Variants in SMYD5 observed in about 807,000 individuals in gnomAD.
SMYD5 encodes the protein protein-lysine N-trimethyltransferase SMYD5.
In SMYD5, 35 loss-of-function variants were observed where a neutral mutation model predicts 57.4. The observed-to-expected ratio is 0.61, with a 90% confidence interval of 0.47 to 0.81. The LOEUF (loss-of-function observed/expected upper bound fraction) is 0.81. SMYD5 is among the 30% of genes least tolerant of loss of function. The pLI, the probability that SMYD5 is intolerant of heterozygous loss-of-function variation, is 0.00. For synonymous variants in SMYD5, 198 were observed against 189.7 expected (o/e 1.04, Z -0.36); for missense variants, 471 against 527.9 (o/e 0.89, Z 1.06).
chr2:73,223,423 C>T lies in SMYD5; in HGVS notation c.777-3C>T, dbSNP rs769354136. 6.8e-6 allele frequency: 11 copies of T among 1,607,742 alleles called. No individual in the cohort carries two copies. The highest frequency in any genetic ancestry group is 8.5e-6 in the Non-Finnish European group (10 of 1,174,222). ...CAACCATGGGCTGCCTGGGACCCCC[C>T]AGCTCCCTAAGCCAGTGGGTCCATG... On this transcript the variant is annotated splice_polypyrimidine_tract_variant and splice_region_variant and intron_variant, in intron 8 of 12. Transcript: ENST00000389501.
In SMYD5 at chr2:73,225,648, C is replaced by T. The variant is rs369783248; in HGVS notation, c.1053C>T (p.Tyr351=). Residue 351 remains tyrosine (Y), a synonymous_variant, in exon 12 of 13, where the codon TAC becomes TAT. Transcript: ENST00000389501. ...CCCTACAGGAAATTTGTATCAGCTA[C>T]TTGGACTGCTGTCAGCGGGAGCGCA... is the stretch of plus-strand genomic sequence containing the variant. ...IKPGEEICIS[Y]LDCCQRERSR... 6 of 1,614,118 alleles carry T rather than the reference C, an allele frequency of 3.7e-6. No homozygotes were observed. In the African/African-American group the frequency reaches 4.0e-5, roughly 11 times the overall value.
chr2:73,216,041 G>A (rs1282245166), intron 1 of SMYD5, among the ~76,000 whole-genome samples: 4 of 152,086 alleles, frequency 2.6e-5, no homozygotes, highest in Admixed American at 2.0e-4. Flanking sequence ...ATAGACCAGG[G>A]GCCTCAAGTG....
Position 73,223,008 on chromosome 2 carries a change from A to T in SMYD5, c.706-28A>T, listed in dbSNP as rs760194661. 2.5e-6 allele frequency: 4 copies of T among 1,601,366 alleles called. No individual in the cohort carries two copies. In the South Asian group the frequency reaches 4.4e-5, roughly 18 times the overall value. On this transcript the variant is annotated intron_variant, in intron 7 of 12. Coordinates refer to ENST00000389501, the MANE Select transcript of SMYD5 (RefSeq NM_006062.3). The stretch of plus-strand genomic sequence containing the variant: ...GGAAGAAAAGTCAGTGGCTGTAATG[A>T]GCACTCATCTCTTTTTTCCCCCCAC...
intron 11 of SMYD5, chr2:73,225,259 ATAGCTC>A (rs1485393641): frequency 4.1e-6 from 2 of 482,708 alleles, no homozygotes; most frequent in Non-Finnish European, 7.3e-6. Context: ...AAAGCAGGAG[ATAGCTC>A]TTTGTGGGTT....
In SMYD5 at chr2:73,225,805, T is replaced by G; in HGVS notation, c.1116T>G (p.Tyr372Ter). 6.2e-7 allele frequency: 1 copy of G among 1,614,102 alleles called. No homozygotes were observed. Among genetic ancestry groups the G allele is most frequent in the South Asian group, 1.1e-5 (1 of 91,068 alleles). Residue 372 changes from tyrosine (Y) to a stop codon, truncating the protein, a stop_gained, in exon 13 of 13, where the codon TAT becomes TAG. Transcript: ENST00000389501. LOFTEE classifies it high-confidence loss of function. Reference sequence around the variant, plus strand: ...TCCCCCACCGCTGCAGGGAGAACTATCTATTTGTCTGTTCCTGTCCCAAAT... The same window carrying G: ...TCCCCCACCGCTGCAGGGAGAACTAGCTATTTGTCTGTTCCTGTCCCAAAT... ...HSRHKILRENYLFVCSCPKCL... is the reference protein window; with the variant it reads ...HSRHKILREN
Position 73,214,371 on chromosome 2 carries a change from G to A in SMYD5, c.96+9G>A, listed in dbSNP as rs1207179996. On this transcript the variant is annotated intron_variant, in intron 1 of 12. Transcript: ENST00000389501. The stretch of plus-strand genomic sequence containing the variant: ...TCGTGAGCAGCGCCAAGGTGAGGTC[G>A]GGGCGGGTCCTGCCGGGAGCCTCTC... The A allele has an allele frequency of 5.6e-6, 9 of 1,613,072 alleles. No individual in the cohort carries two copies. Among genetic ancestry groups the A allele is most frequent in the South Asian group, 5.5e-5 (5 of 91,052 alleles).
At chr2:73,214,543 G>C (rs1686255852) in intron 1 of SMYD5, 181 bp downstream of exon 1, 3 of 1,477,044 alleles carry the variant, frequency 2.0e-6, no homozygotes, top group Non-Finnish European at 2.7e-6. Flanking sequence ...GCGCGGTCAC[G>C]CGATAGACCC....
chr2:73,220,396 G>C, intron 3 of SMYD5, among the ~76,000 whole-genome samples: 1 of 152,134 alleles, frequency 6.6e-6, no homozygotes, highest in East Asian at 1.9e-4. Context: ...GGGCTTGGTG[G>C]GAGCTGGAAA....
At position 73,225,942 on chromosome 2, in the gene SMYD5, T is replaced by G. The variant is rs1686494145; in HGVS notation, c.1253T>G (p.Val418Gly). ...DAELGDEMTD[V>G] Reference sequence around the variant, plus strand: ...GAGCTGGGGGATGAGATGACTGATGTGTGATGTTGCCCTGCCCAGAAAGGG... The same window carrying G: ...GAGCTGGGGGATGAGATGACTGATGGGTGATGTTGCCCTGCCCAGAAAGGG... Residue 418 changes from valine to glycine, a missense_variant, in exon 13 of 13, where the codon GTG becomes GGG. By Grantham distance (109) the Val-to-Gly change is moderately radical. Transcript: ENST00000389501. 1 of 1,612,742 alleles carries G rather than the reference T, an allele frequency of 6.2e-7. No homozygotes were observed. Among genetic ancestry groups the G allele is most frequent in the South Asian group, 1.1e-5 (1 of 90,870 alleles).
intron 2 of SMYD5, 149 bp downstream of exon 2, chr2:73,219,118 C>T: frequency 6.1e-6 from 4 of 656,126 alleles, no homozygotes; most frequent in Non-Finnish European, 8.3e-6. Context: ...GAGAACCATG[C>T]CTCTGTCCAG....
At chr2:73,224,815 C>G in intron 10 of SMYD5, 51 bp from the exon 11 acceptor site, 1 of 1,362,790 alleles carries the variant, frequency 7.3e-7, no homozygotes, top group Non-Finnish European at 1.0e-6. Flanking sequence ...AGAATTGAGG[C>G]TATTATTTTT....
At chr2:73,218,306 G>T (rs1473422172) in intron 1 of SMYD5, among the ~76,000 whole-genome samples, 1 of 152,214 alleles carries the variant, frequency 6.6e-6, no homozygotes, top group African/African-American at 2.4e-5. Context: ...CTTTCTTTCA[G>T]TGCAACCACC....
chr2:73,223,816 T>C (rs773874888), intron 9 of SMYD5, 131 bp from the exon 10 acceptor site: 186 of 844,344 alleles, frequency 2.2e-4, no homozygotes, highest in Non-Finnish European at 3.5e-4. Flanking sequence ...TTAGGTAAGA[T>C]GGTAGGGACT....
rs762875553 is a variant in SMYD5, at chr2:73,218,912, G to T, written c.148G>T (p.Val50Leu). The T allele has an allele frequency of 6.2e-7, 1 of 1,614,184 alleles. No homozygotes were observed. ...QLIRKGETIFVERPLVAAQFL... is the reference protein window; with the variant it reads ...QLIRKGETIFLERPLVAAQFL... The stretch of plus-strand genomic sequence containing the variant: ...CATCCGGAAGGGGGAGACCATCTTC[G>T]TAGAACGGCCCCTGGTGGCTGCACA... Residue 50 changes from valine (V) to leucine (L), a missense_variant, in exon 2 of 13, where the codon GTA (valine) becomes TTA (leucine). Coordinates refer to ENST00000389501, the MANE Select transcript of SMYD5 (RefSeq NM_006062.3).
chr2:73,224,981 T>A (rs1686470990), intron 11 of SMYD5, 21 bp downstream of exon 11: 1 of 1,589,636 alleles, frequency 6.3e-7, no homozygotes, highest in South Asian at 1.1e-5. Flanking sequence ...CCAGGAACCG[T>A]CGGGATGGGT....
At chr2:73,216,807 G>A (rs753517988) in intron 1 of SMYD5, among the ~76,000 whole-genome samples, 65 of 152,110 alleles carry the variant, frequency 4.3e-4, no homozygotes, top group Non-Finnish European at 8.7e-4. Context: ...CTGGGCTCAA[G>A]CGATCCTTCA....
At chr2:73,222,981 T>A in intron 7 of SMYD5, 55 bp from the exon 8 acceptor site, 1 of 1,560,350 alleles carries the variant, frequency 6.4e-7, no homozygotes. Flanking sequence ...GAGAGTCCAA[T>A]TGGAAGAAAA....
intron 10 of SMYD5, 37 bp from the exon 11 acceptor site, chr2:73,224,828 TA>T: frequency 1.4e-6 from 2 of 1,453,458 alleles, no homozygotes; most frequent in East Asian, 4.5e-5. Flanking sequence ...TTATTTTTTT[TA>T]GTCAATAATC....
chr2:73,225,789 G>A lies in SMYD5; in HGVS notation c.1107-7G>A, dbSNP rs200384089. On this transcript the variant is annotated splice_polypyrimidine_tract_variant and splice_region_variant and intron_variant, in intron 12 of 12. Coordinates refer to ENST00000389501, the MANE Select transcript of SMYD5 (RefSeq NM_006062.3). ...CTTTTCCCCCTCACCATCCCCCACC[G>A]CTGCAGGGAGAACTATCTATTTGTC... The A allele has an allele frequency of 1.1e-3, 1,774 of 1,613,986 alleles. 1 individual carries two copies. Among genetic ancestry groups the A allele is most frequent in the South Asian group, 1.4e-3 (130 of 91,056 alleles).
Sources: allele counts gnomAD v4.1 joint callset (sites outside exome capture counted in the v4.1 genomes callset), GRCh38; gene constraint gnomAD v4.1.1; transcripts MANE v1.5; gene names NCBI Gene and HGNC (gene_info 2026-07-23, HGNC 2026-07-21).